The following OR2L13 variants were observed in gnomAD, a reference collection of about 807,000 sequenced individuals.
OR2L13 encodes olfactory receptor 2L13.
A neutral mutation model predicts 15.3 loss-of-function variants in OR2L13; 14 were observed. That is an observed-to-expected ratio of 0.91 (90% confidence interval 0.60 to 1.43). The LOEUF (loss-of-function observed/expected upper bound fraction) is 1.43, where lower values mean the gene tolerates loss of function less well. Ranked by LOEUF, OR2L13 falls within the 40% of genes most tolerant of loss-of-function variation. The pLI, the probability that OR2L13 is intolerant of heterozygous loss-of-function variation, is 0.00. For missense variants in OR2L13, 367 were observed against 387.9 expected (o/e 0.95, Z 0.45); for synonymous variants, 152 against 142.9 (o/e 1.06, Z -0.45).
chr1:248,070,138 A>G, the OR2L13 span, among the ~76,000 whole-genome samples: 1 of 152,236 alleles, frequency 6.6e-6, no homozygotes, highest in Admixed American at 6.5e-5. Flanking sequence ...ATAGACATCT[A>G]CAGAACTCTC....
the OR2L13 span, among the ~76,000 whole-genome samples, chr1:248,008,455 A>C: frequency 2.0e-5 from 3 of 152,220 alleles, no homozygotes; most frequent in African/African-American, 4.8e-5. Flanking sequence ...GTGTTGTATC[A>C]ATTTGTTTCC....
chr1:248,006,997 TG>T, the OR2L13 span, among the ~76,000 whole-genome samples: 5 of 152,198 alleles, frequency 3.3e-5, no homozygotes, highest in African/African-American at 1.2e-4. Flanking sequence ...CTACTGTTTT[TG>T]TTATTTATTA....
the OR2L13 span, chr1:247,965,723 G>A: frequency 1.3e-6 from 2 of 1,558,384 alleles, no homozygotes; most frequent in Non-Finnish European, 1.7e-6. Context: ...CTTCTCCTTG[G>A]TTTTATGTCT....
the OR2L13 span, among the ~76,000 whole-genome samples, chr1:248,052,533 G>C: frequency 6.6e-6 from 1 of 151,982 alleles, no homozygotes; most frequent in Admixed American, 6.6e-5. Context: ...TTGAGGCCAT[G>C]CTGGCTAACA....
chr1:248,050,314 C>G, the OR2L13 span, among the ~76,000 whole-genome samples: 4 of 151,396 alleles, frequency 2.6e-5, no homozygotes, highest in African/African-American at 9.7e-5. Context: ...GGCTAAAATA[C>G]CTTCCTTATA....
At chr1:248,025,613 G>A in the OR2L13 span, among the ~76,000 whole-genome samples, 1 of 148,232 alleles carries the variant, frequency 6.7e-6, no homozygotes, top group Admixed American at 6.6e-5. Flanking sequence ...ATACCCAAAT[G>A]ACTATAAATC....
At chr1:248,068,963 A>G in the OR2L13 span, among the ~76,000 whole-genome samples, 1 of 152,210 alleles carries the variant, frequency 6.6e-6, no homozygotes, top group Admixed American at 6.5e-5. Flanking sequence ...TCCAAGAAAT[A>G]TGGGACTATG....
At chr1:247,960,035 G>A in the OR2L13 span, among the ~76,000 whole-genome samples, 12 of 152,194 alleles carry the variant, frequency 7.9e-5, no homozygotes, top group South Asian at 1.0e-3. Context: ...AGAGTTTCCA[G>A]TTTTTCTGCT....
chr1:247,998,982 G>A, the OR2L13 span, among the ~76,000 whole-genome samples: 1 of 152,244 alleles, frequency 6.6e-6, no homozygotes, highest in South Asian at 2.1e-4. Flanking sequence ...GTGTGTGGAT[G>A]TAAGTGATAG....
chr1:248,061,392 C>T, the OR2L13 span: 32 of 1,613,990 alleles, frequency 2.0e-5, no homozygotes, highest in African/African-American at 1.9e-4. Flanking sequence ...AGAAAGCCTA[C>T]CTGACCTGCA....
chr1:247,978,997 G>T, the OR2L13 span, among the ~76,000 whole-genome samples: 1 of 152,016 alleles, frequency 6.6e-6, no homozygotes, highest in African/African-American at 2.4e-5. Context: ...ATCCCAGTGG[G>T]TAGTCTTGAG....
At chr1:248,021,856 G>A in the OR2L13 span, 2 of 935,720 alleles carry the variant, frequency 2.1e-6, no homozygotes, top group South Asian at 3.2e-5. Context: ...ATTCACTGGA[G>A]GCCTTGGAAT....
At chr1:247,983,337 G>A in the OR2L13 span, among the ~76,000 whole-genome samples, 2 of 152,084 alleles carry the variant, frequency 1.3e-5, no homozygotes, top group Admixed American at 1.3e-4. Flanking sequence ...CGTCGCCCGG[G>A]TTGAATGTTT....
chr1:247,945,019 T>C, the OR2L13 span, among the ~76,000 whole-genome samples: 1 of 152,170 alleles, frequency 6.6e-6, no homozygotes, highest in Non-Finnish European at 1.5e-5. Context: ...AGTTTCTCTC[T>C]GATCTTGGTT....
At chr1:248,024,134 T>G in the OR2L13 span, 1 of 152,124 alleles carries the variant, frequency 6.6e-6, no homozygotes, top group Non-Finnish European at 1.5e-5. Flanking sequence ...CCGTTGTGGT[T>G]TGCTGCACCA....
the OR2L13 span, among the ~76,000 whole-genome samples, chr1:248,024,847 C>T: frequency 9.9e-5 from 15 of 152,104 alleles, no homozygotes; most frequent in East Asian, 1.5e-3. Context: ...GTGTGATGCC[C>T]CCAGCTTTGT....
chr1:247,993,656 G>A, the OR2L13 span, among the ~76,000 whole-genome samples: 1 of 151,952 alleles, frequency 6.6e-6, no homozygotes, highest in Non-Finnish European at 1.5e-5. Context: ...ACAGATATGG[G>A]AGGTGAAAAA....
At chr1:247,991,307 AAATT>A in the OR2L13 span, 3 of 686,470 alleles carry the variant, frequency 4.4e-6, no homozygotes, top group East Asian at 9.3e-5. Flanking sequence ...TGTCAAACGG[AAATT>A]AATCTAAAAG....
At chr1:248,003,626 C>T in the OR2L13 span, 3 of 1,611,432 alleles carry the variant, frequency 1.9e-6, no homozygotes, top group African/African-American at 1.3e-5. Context: ...ACTCCATATT[C>T]CTTATTGCCC....
Sources: gnomAD v4.1 joint callset for allele counts (sites outside exome capture counted in the v4.1 genomes callset) on GRCh38, gnomAD v4.1.1 for gene constraint, MANE v1.5 for transcripts, NCBI Gene and HGNC (gene_info 2026-07-23, HGNC 2026-07-21) for gene names.